Variants in CTNND2 observed in about 807,000 individuals in gnomAD.
CTNND2 encodes the protein catenin delta-2.
Under a neutral mutation model 144.4 loss-of-function variants are expected in CTNND2, and 22 were observed. The observed-to-expected ratio is 0.15, with a 90% CI of 0.11 to 0.22. The LOEUF is 0.22. Among genes scored for constraint, CTNND2 ranks in the 10% least tolerant of loss-of-function variants. CTNND2 has a pLI of 1.00. For synonymous variants in CTNND2, 751 were observed against 695.6 expected, an observed-to-expected ratio of 1.08 and a Z score of -1.25; for missense variants, 1,353 against 1,618.8, an observed-to-expected ratio of 0.84 and a Z score of 2.82.
intron 1 of CTNND2, among the ~76,000 whole-genome samples, chr5:11,770,428 G>GAAGGAAGGAAGGAAGA (rs1789857869): frequency 7.5e-6 from 1 of 132,762 alleles, no homozygotes; most frequent in Admixed American, 7.3e-5. Context: ...AGGAAGGAAG[G>GAAGGAAGGAAGGAAGA]AAGGAAGGAA....
intron 11 of CTNND2, among the ~76,000 whole-genome samples, chr5:11,165,171 G>A (rs1475931206): frequency 2.0e-5 from 3 of 152,132 alleles, no homozygotes; most frequent in Non-Finnish European, 4.4e-5. Flanking sequence ...ATAGAAAAAT[G>A]TTATTTAAGT....
chr5:11,616,407 T>C (rs1780582538), intron 2 of CTNND2, among the ~76,000 whole-genome samples: 1 of 152,218 alleles, frequency 6.6e-6, no homozygotes, highest in Non-Finnish European at 1.5e-5. Context: ...TAGTTTCCTA[T>C]TTACTTTCAC....
chr5:11,347,948 C>T (rs1259716023), intron 8 of CTNND2, among the ~76,000 whole-genome samples: 1 of 152,104 alleles, frequency 6.6e-6, no homozygotes, highest in East Asian at 1.9e-4. Flanking sequence ...CACTCTAATA[C>T]CGAGGATTGA....
Position 10,988,333 on chromosome 5 carries a change from C to A in CTNND2, c.3212-91G>T. The stretch of plus-strand genomic sequence containing the variant: ...AGTCAGGGTCCTCACTATGCATGGT[C>A]CCGCATCTCAATGCCTACGTGAGGA... On this transcript the variant is annotated intron_variant, in intron 19 of 21. Coordinates refer to ENST00000304623, the MANE Select transcript of CTNND2 (RefSeq NM_001332.4). This position sits in a 1 kb window ranked among gnomAD's most constrained non-coding sequence, Gnocchi z 5.9. 1 of 1,492,690 alleles carries A rather than the reference C, an allele frequency of 6.7e-7. No individual in the cohort carries two copies. Among genetic ancestry groups the A allele is most frequent in the Non-Finnish European group, 9.2e-7 (1 of 1,088,804 alleles). 92.5% of individuals were successfully genotyped at this position (1,492,690 alleles called of 1,614,324 possible). A position where few individuals can be genotyped will look rare whatever the true frequency, so the allele number is the denominator to read the frequency against.
chr5:11,308,998 A>T (rs1750534275), intron 9 of CTNND2, among the ~76,000 whole-genome samples: 1 of 151,938 alleles, frequency 6.6e-6, no homozygotes, highest in African/African-American at 2.4e-5. Flanking sequence ...TCTTGTGAAA[A>T]CTCACTCACT....
chr5:11,178,454 A>G (rs1309140742), intron 11 of CTNND2, among the ~76,000 whole-genome samples: 2 of 152,210 alleles, frequency 1.3e-5, no homozygotes, highest in African/African-American at 4.8e-5. Context: ...AATCATGACT[A>G]TGAAACTTCC....
intron 2 of CTNND2, among the ~76,000 whole-genome samples, chr5:11,665,659 A>G (rs982063482): frequency 2.6e-5 from 4 of 152,202 alleles, no homozygotes; most frequent in African/African-American, 9.6e-5. Flanking sequence ...TATATATTCA[A>G]TAGAAAATAT....
chr5:11,188,570 T>C (rs1159919855), intron 11 of CTNND2, among the ~76,000 whole-genome samples: 1 of 152,180 alleles, frequency 6.6e-6, no homozygotes, highest in East Asian at 1.9e-4. Flanking sequence ...TTTACCTGTT[T>C]AACAAACTGC....
At chr5:11,217,579 A>T (rs1739327482) in intron 10 of CTNND2, among the ~76,000 whole-genome samples, 1 of 152,228 alleles carries the variant, frequency 6.6e-6, no homozygotes, top group African/African-American at 2.4e-5. Flanking sequence ...CTGGCATAAC[A>T]TAGGAATTTA....
At chr5:11,662,024 C>CAT (rs1337589074) in intron 2 of CTNND2, among the ~76,000 whole-genome samples, 1 of 150,244 alleles carries the variant, frequency 6.7e-6, no homozygotes, top group East Asian at 1.9e-4. Flanking sequence ...TACACACACA[C>CAT]ATATATACAC....
At chr5:11,665,376 T>A (rs1353239010) in intron 2 of CTNND2, among the ~76,000 whole-genome samples, 2 of 152,180 alleles carry the variant, frequency 1.3e-5, no homozygotes, top group African/African-American at 4.8e-5. Context: ...TTTATATAAG[T>A]GGTTCTGAAT....
At chr5:11,217,746 A>G (rs1039401647) in intron 10 of CTNND2, among the ~76,000 whole-genome samples, 1 of 152,172 alleles carries the variant, frequency 6.6e-6, no homozygotes, top group African/African-American at 2.4e-5. Context: ...GCCACTAATC[A>G]CTTTTCAAAA....
chr5:11,129,073 T>A (rs1352693360), intron 12 of CTNND2, among the ~76,000 whole-genome samples: 1 of 30,868 alleles, frequency 3.2e-5, no homozygotes, highest in Non-Finnish European at 7.4e-5. Flanking sequence ...ATTTTATATA[T>A]AAATAAAATA....
At chr5:11,540,459 A>G (rs1321093000) in intron 3 of CTNND2, among the ~76,000 whole-genome samples, 1 of 152,192 alleles carries the variant, frequency 6.6e-6, no homozygotes, top group Non-Finnish European at 1.5e-5. Context: ...GCTAAGAGGG[A>G]GTAGAATAAA....
intron 12 of CTNND2, among the ~76,000 whole-genome samples, chr5:11,143,415 C>T (rs1012897049): frequency 6.6e-6 from 1 of 152,158 alleles, no homozygotes; most frequent in African/African-American, 2.4e-5. Context: ...AAAACTCGTT[C>T]TGGGCCTCTC....
chr5:11,477,456 G>C (rs372634424), intron 3 of CTNND2, among the ~76,000 whole-genome samples: 19 of 151,662 alleles, frequency 1.3e-4, no homozygotes, highest in African/African-American at 4.6e-4. Flanking sequence ...CTGTTGCCCA[G>C]GTTGAAGTAG....
At chr5:11,631,745 C>A (rs1437701201) in intron 2 of CTNND2, among the ~76,000 whole-genome samples, 1 of 152,184 alleles carries the variant, frequency 6.6e-6, no homozygotes, top group African/African-American at 2.4e-5. Context: ...ATCTCCCCTG[C>A]TGCAGCATGC....
At chr5:11,146,761 C>A (rs930653952) in intron 12 of CTNND2, among the ~76,000 whole-genome samples, 1 of 152,220 alleles carries the variant, frequency 6.6e-6, no homozygotes, top group South Asian at 2.1e-4. Flanking sequence ...TGAGGCCACC[C>A]AAAGGAAAAT....
chr5:11,485,145 C>T (rs1169219547), intron 3 of CTNND2, among the ~76,000 whole-genome samples: 1 of 152,034 alleles, frequency 6.6e-6, no homozygotes, highest in African/African-American at 2.4e-5. Flanking sequence ...TTCATGGTAG[C>T]ATCAAATATT....
Sources: allele counts gnomAD v4.1 joint callset (sites outside exome capture counted in the v4.1 genomes callset), GRCh38; gene constraint gnomAD v4.1.1; non-coding constraint Gnocchi (gnomAD v3.1); transcripts MANE v1.5; gene names NCBI Gene and HGNC (gene_info 2026-07-23, HGNC 2026-07-21).